Variants in IL1RAPL2 observed in about 807,000 individuals in gnomAD.
IL1RAPL2 encodes interleukin 1 receptor accessory protein like 2, also known as X-linked interleukin-1 receptor accessory protein-like 2.
IL1RAPL2 carries 3 observed loss-of-function variants against 44.1 expected under a neutral mutation model. That is an observed-to-expected ratio of 0.07 (90% CI 0.03 to 0.18). The LOEUF (loss-of-function observed/expected upper bound fraction) is 0.18. Ranked by LOEUF, IL1RAPL2 falls within the 10% of genes least tolerant of loss-of-function variation. The pLI, the probability that IL1RAPL2 is intolerant of heterozygous loss-of-function variation, is 1.00. For synonymous variants in IL1RAPL2, 181 were observed against 178.8 expected (o/e 1.01, Z -0.10); for missense variants, 391 against 496.4 (o/e 0.79, Z 2.02).
At chrX:105,706,338 C>G (rs1314367200) in intron 6 of IL1RAPL2, among the ~76,000 whole-genome samples, 2 of 112,040 alleles carry the variant, frequency 1.8e-5, no homozygotes, top group Admixed American at 1.9e-4. Context: ...ATGCACATTA[C>G]ATGGTAAAGA....
At chrX:105,429,633 C>T (rs762699961) in intron 5 of IL1RAPL2, among the ~76,000 whole-genome samples, 5 of 111,498 alleles carry the variant, frequency 4.5e-5, no homozygotes, top group South Asian at 3.8e-4. Context: ...CAGGGGTCAG[C>T]GGACATTTTC....
chrX:104,747,541 G>A (rs375127085), intron 2 of IL1RAPL2, among the ~76,000 whole-genome samples: 1 of 111,213 alleles, frequency 9.0e-6, no homozygotes, highest in East Asian at 2.9e-4. Context: ...AATATGGTTC[G>A]AGGAGAGTGG....
At chrX:104,853,010 C>T (rs1450571810) in intron 2 of IL1RAPL2, among the ~76,000 whole-genome samples, 2 of 111,743 alleles carry the variant, frequency 1.8e-5, no homozygotes, top group Non-Finnish European at 3.8e-5. Context: ...AACCAACTTA[C>T]TTGTGGGAAA....
At chrX:105,474,665 C>T (rs1457134320) in intron 5 of IL1RAPL2, among the ~76,000 whole-genome samples, 1 of 111,635 alleles carries the variant, frequency 9.0e-6, no homozygotes, top group Non-Finnish European at 1.9e-5. Context: ...ACCAAGTAAT[C>T]CAAAATCGAA....
chrX:105,302,537 A>G (rs1384282256), intron 5 of IL1RAPL2, among the ~76,000 whole-genome samples: 1 of 111,996 alleles, frequency 8.9e-6, no homozygotes, highest in African/African-American at 3.2e-5. Context: ...TAGCAATGTC[A>G]TCTGTGTGCT....
At position 104,661,185 on chromosome X, in the gene IL1RAPL2, C is replaced by A. The variant is rs138886141; in HGVS notation, c.82+2190C>A. Among the ~76,000 whole-genome samples the A allele has an allele frequency of 8.6e-3, 953 of 111,331 alleles. 6 individuals carry two copies. Among genetic ancestry groups the A allele is most frequent in the African/African-American group, 0.029 (890 of 30,690 alleles). ...CCCAAAAAGATATTTCACTTACAGTCAAAGTGTTAGAATGGTTTCAGTCTC... is the reference window on the plus strand; with the variant it reads ...CCCAAAAAGATATTTCACTTACAGTAAAAGTGTTAGAATGGTTTCAGTCTC... On this transcript the variant is annotated intron_variant, in intron 2 of 10. Transcript: ENST00000372582.
chrX:104,718,564 C>G (rs1007686283), intron 2 of IL1RAPL2, among the ~76,000 whole-genome samples: 2 of 110,568 alleles, frequency 1.8e-5, no homozygotes, highest in East Asian at 5.8e-4. Context: ...CCCCTGTGTA[C>G]TCTCTCTCTC....
intron 2 of IL1RAPL2, among the ~76,000 whole-genome samples, chrX:104,925,254 C>G (rs901674129): frequency 3.4e-4 from 36 of 104,413 alleles, no homozygotes; most frequent in Middle Eastern, 5.0e-3. Context: ...CAGATAGATT[C>G]ACAGCCAAAT....
intron 2 of IL1RAPL2, among the ~76,000 whole-genome samples, chrX:104,911,602 C>T (rs1033264176): frequency 3.6e-5 from 4 of 111,936 alleles, no homozygotes; most frequent in Admixed American, 2.9e-4. Flanking sequence ...TCACTCTCCA[C>T]TCTTGCTCTT....
chrX:104,899,634 A>G (rs1923754448), intron 2 of IL1RAPL2, among the ~76,000 whole-genome samples: 1 of 111,029 alleles, frequency 9.0e-6, no homozygotes, highest in African/African-American at 3.3e-5. Context: ...CTTCCCCTTA[A>G]CAATCTTTCT....
intron 6 of IL1RAPL2, among the ~76,000 whole-genome samples, chrX:105,678,228 A>G (rs1248576774): frequency 8.9e-6 from 1 of 112,502 alleles, no homozygotes; most frequent in Non-Finnish European, 1.9e-5. Flanking sequence ...TTGTGAGTAC[A>G]TAGGAGGTGT....
chrX:104,585,286 A>ATAT (rs1556438357), intron 1 of IL1RAPL2, among the ~76,000 whole-genome samples: 1 of 22,208 alleles, frequency 4.5e-5, no homozygotes, highest in Non-Finnish European at 6.5e-5. Flanking sequence ...TATATTATAT[A>ATAT]ATATATTATA....
intron 2 of IL1RAPL2, among the ~76,000 whole-genome samples, chrX:104,668,590 G>A: frequency 9.6e-6 from 1 of 104,475 alleles, no homozygotes; most frequent in African/African-American, 3.5e-5. Flanking sequence ...TTATGAAAAT[G>A]TTTTGAATTT....
chrX:104,950,572 G>T (rs1188166074), intron 2 of IL1RAPL2, among the ~76,000 whole-genome samples: 1 of 112,741 alleles, frequency 8.9e-6, no homozygotes, highest in Non-Finnish European at 1.9e-5. Flanking sequence ...CCCCCAGCCT[G>T]GCTGCCGCCT....
At chrX:105,218,919 G>T (rs371006748) in intron 3 of IL1RAPL2, 2 of 1,086,129 alleles carry the variant, frequency 1.8e-6, no homozygotes, top group South Asian at 2.3e-5. Context: ...AAATTAATTC[G>T]CCATCGAGAT....
At chrX:105,076,301 G>C (rs368654949) in intron 2 of IL1RAPL2, among the ~76,000 whole-genome samples, 30 of 111,143 alleles carry the variant, frequency 2.7e-4, no homozygotes, top group South Asian at 7.7e-4. Context: ...TCGTTATGTA[G>C]CCAGTAGTCA....
At chrX:105,012,522 A>T (rs1214116615) in intron 2 of IL1RAPL2, among the ~76,000 whole-genome samples, 1 of 107,482 alleles carries the variant, frequency 9.3e-6, no homozygotes, top group Non-Finnish European at 1.9e-5. Context: ...GCCTATTATT[A>T]ATGTGTATTT....
At chrX:105,395,891 A>G (rs899864484) in intron 5 of IL1RAPL2, among the ~76,000 whole-genome samples, 1 of 112,025 alleles carries the variant, frequency 8.9e-6, no homozygotes, top group Non-Finnish European at 1.9e-5. Context: ...ACCAGCTACT[A>G]AATCAGAAGC....
intron 6 of IL1RAPL2, among the ~76,000 whole-genome samples, chrX:105,530,192 G>A (rs1412806279): frequency 2.7e-5 from 3 of 111,989 alleles, no homozygotes; most frequent in African/African-American, 9.7e-5. Context: ...CAATGCACAT[G>A]GGTGCCAATT....
Sources: gnomAD v4.1 joint callset for allele counts (sites outside exome capture counted in the v4.1 genomes callset) on GRCh38, gnomAD v4.1.1 for gene constraint, MANE v1.5 for transcripts, NCBI Gene and HGNC (gene_info 2026-07-23, HGNC 2026-07-21) for gene names.